TMEM132C: variants seen among roughly 807,000 people sequenced by gnomAD.
TMEM132C encodes the protein protein phosphatase 1, regulatory subunit 152.
In TMEM132C, 29 loss-of-function variants were observed where a neutral mutation model predicts 61.4. That is an observed-to-expected ratio of 0.47 (90% confidence interval 0.35 to 0.64). TMEM132C has a LOEUF of 0.64. Among genes scored for constraint, TMEM132C ranks in the 30% least tolerant of loss-of-function variants. The pLI, the probability that TMEM132C is intolerant of heterozygous loss-of-function variation, is 0.00. For missense variants in TMEM132C, 1,408 were observed against 1,476.9 expected, an observed-to-expected ratio of 0.95 and a Z score of 0.76; for synonymous variants, 656 against 633.1, an observed-to-expected ratio of 1.04 and a Z score of -0.54.
intron 1 of TMEM132C, among the ~76,000 whole-genome samples, chr12:128,306,393 G>A (rs1444761746): frequency 6.6e-6 from 1 of 151,780 alleles, no homozygotes; most frequent in South Asian, 2.1e-4. Flanking sequence ...TAGTAGAGAT[G>A]GGGTTTCATC....
chr12:128,301,558 C>G (rs1184616451), intron 1 of TMEM132C, among the ~76,000 whole-genome samples: 1 of 152,018 alleles, frequency 6.6e-6, no homozygotes, highest in Non-Finnish European at 1.5e-5. Flanking sequence ...CTCCCAGAGC[C>G]AGAATATTTG....
At chr12:128,654,213 T>A (rs909784314) in intron 4 of TMEM132C, among the ~76,000 whole-genome samples, 1 of 152,182 alleles carries the variant, frequency 6.6e-6, no homozygotes, top group Admixed American at 6.5e-5. Flanking sequence ...GCTAATCCAA[T>A]GACTGGTGTC....
At chr12:128,427,416 G>A (rs1483138866) in intron 2 of TMEM132C, among the ~76,000 whole-genome samples, 57 of 90,426 alleles carry the variant, frequency 6.3e-4, no homozygotes, top group Middle Eastern at 0.011. Flanking sequence ...GTGTGTGTGT[G>A]TGTGTGTGTG....
At chr12:128,270,334 G>C (rs1036833760) in intron 1 of TMEM132C, among the ~76,000 whole-genome samples, 1 of 152,212 alleles carries the variant, frequency 6.6e-6, no homozygotes, top group African/African-American at 2.4e-5. Flanking sequence ...ATATGCATGT[G>C]TGGTATGGCA....
chr12:128,555,652 G>T (rs1485034162), intron 3 of TMEM132C, among the ~76,000 whole-genome samples: 2 of 151,922 alleles, frequency 1.3e-5, no homozygotes, highest in African/African-American at 2.4e-5. Context: ...CTCCATAGGG[G>T]TTTGTGGCAA....
chr12:128,318,442 CT>C (rs1872222012), intron 1 of TMEM132C, among the ~76,000 whole-genome samples: 1 of 152,172 alleles, frequency 6.6e-6, no homozygotes, highest in Non-Finnish European at 1.5e-5. Flanking sequence ...ACACACTCCC[CT>C]AGAGGACTAA....
intron 3 of TMEM132C, among the ~76,000 whole-genome samples, chr12:128,566,324 A>G (rs1874702394): frequency 6.6e-6 from 1 of 152,224 alleles, no homozygotes; most frequent in Non-Finnish European, 1.5e-5. Flanking sequence ...ATATAGAAAA[A>G]AAATGATTGA....
At chr12:128,279,676 G>A (rs1330569352) in intron 1 of TMEM132C, among the ~76,000 whole-genome samples, 3 of 152,160 alleles carry the variant, frequency 2.0e-5, no homozygotes, top group Admixed American at 6.5e-5. Context: ...CCCTCATGAC[G>A]CACTTTCAGC....
At chr12:128,312,823 C>T (rs1248846802) in intron 1 of TMEM132C, among the ~76,000 whole-genome samples, 1 of 152,230 alleles carries the variant, frequency 6.6e-6, no homozygotes, top group Non-Finnish European at 1.5e-5. Context: ...AAGTAATGCA[C>T]CTTCATTCAC....
intron 3 of TMEM132C, among the ~76,000 whole-genome samples, chr12:128,612,320 G>A (rs1876663933): frequency 6.6e-6 from 1 of 152,198 alleles, no homozygotes; most frequent in Non-Finnish European, 1.5e-5. Flanking sequence ...GCACCAGAGA[G>A]CTTGCCCTGA....
At chr12:128,578,333 T>G (rs893638302) in intron 3 of TMEM132C, among the ~76,000 whole-genome samples, 5 of 152,206 alleles carry the variant, frequency 3.3e-5, no homozygotes, top group Non-Finnish European at 5.9e-5. Flanking sequence ...GCAGCCTGTA[T>G]GTCAACATGG....
chr12:128,579,536 T>C (rs534833078), intron 3 of TMEM132C, among the ~76,000 whole-genome samples: 21 of 152,182 alleles, frequency 1.4e-4, no homozygotes, highest in Non-Finnish European at 3.1e-4. Context: ...ATTCTCTTTG[T>C]TGGAGCATCC....
intron 5 of TMEM132C, among the ~76,000 whole-genome samples, chr12:128,677,150 A>G (rs1279317100): frequency 6.6e-6 from 1 of 152,230 alleles, no homozygotes; most frequent in Non-Finnish European, 1.5e-5. Context: ...CATCTTTGAC[A>G]TAAAGCTGTG....
chr12:128,545,204 T>G (rs1873906013), intron 3 of TMEM132C, among the ~76,000 whole-genome samples: 1 of 152,230 alleles, frequency 6.6e-6, no homozygotes, highest in Admixed American at 6.5e-5. Context: ...CTCCCACTTA[T>G]AAGTGAGAAC....
intron 1 of TMEM132C, among the ~76,000 whole-genome samples, chr12:128,290,152 C>T (rs1379385228): frequency 1.3e-5 from 2 of 152,116 alleles, no homozygotes; most frequent in African/African-American, 4.8e-5. Flanking sequence ...GCGTGTGATG[C>T]TGGGACACTG....
chr12:128,515,419 C>T (rs982370234), intron 2 of TMEM132C, among the ~76,000 whole-genome samples: 1 of 152,224 alleles, frequency 6.6e-6, no homozygotes, highest in Non-Finnish European at 1.5e-5. Flanking sequence ...ACTGGACGCA[C>T]CTCTGTCCTT....
chr12:128,373,322 C>T (rs905957205), intron 1 of TMEM132C, among the ~76,000 whole-genome samples: 14 of 152,174 alleles, frequency 9.2e-5, no homozygotes, highest in Admixed American at 1.3e-4. Flanking sequence ...TCCACCAAAA[C>T]AGATATCCCC....
intron 1 of TMEM132C, among the ~76,000 whole-genome samples, chr12:128,275,426 C>T (rs916238811): frequency 2.0e-5 from 3 of 152,154 alleles, no homozygotes; most frequent in African/African-American, 7.2e-5. Flanking sequence ...GCCTGATGAT[C>T]TGTCACTGTC....
At chr12:128,530,467 G>A (rs991944632) in intron 2 of TMEM132C, among the ~76,000 whole-genome samples, 6 of 149,624 alleles carry the variant, frequency 4.0e-5, no homozygotes, top group East Asian at 1.9e-4. Flanking sequence ...TTTTTTAAAC[G>A]GAGTCTCACT....
Sources: allele counts gnomAD v4.1 joint callset (sites outside exome capture counted in the v4.1 genomes callset), GRCh38; gene constraint gnomAD v4.1.1; transcripts MANE v1.5; gene names NCBI Gene and HGNC (gene_info 2026-07-23, HGNC 2026-07-21).